The following LRRK2 variants were observed in gnomAD, a reference collection of about 807,000 sequenced individuals.
LRRK2 encodes leucine-rich repeat serine/threonine-protein kinase 2.
LRRK2 carries 203 observed loss-of-function variants against 302.6 expected under a neutral mutation model. The ratio of observed to expected loss-of-function variants is 0.67; its 90% CI spans 0.60 to 0.75. The LOEUF (loss-of-function observed/expected upper bound fraction) is 0.75, where lower values mean the gene tolerates loss of function less well. Among genes scored for constraint, LRRK2 ranks in the 30% least tolerant of loss-of-function variants. The pLI is 0.00. For synonymous variants in LRRK2, 1,066 were observed against 1,031.9 expected, an observed-to-expected ratio of 1.03 and a Z score of -0.63; for missense variants, 2,830 against 2,951.0, an observed-to-expected ratio of 0.96 and a Z score of 0.95.
At chr12:40,338,321 C>T (rs4767972) in intron 40 of LRRK2, among the ~76,000 whole-genome samples, 116,813 of 152,082 alleles carry the variant, frequency 0.77, 45,708 homozygotes, top group Non-Finnish European at 0.86. Flanking sequence ...TCATAGATAC[C>T]TAGTACATAT....
chr12:40,333,891 T>A (rs1293072702), intron 39 of LRRK2, among the ~76,000 whole-genome samples: 4 of 151,902 alleles, frequency 2.6e-5, no homozygotes, highest in Non-Finnish European at 5.9e-5. Flanking sequence ...TGGGATTGAA[T>A]GAATGCCAAT....
chr12:40,318,642 C>T (rs1020912031), intron 33 of LRRK2, among the ~76,000 whole-genome samples: 1 of 151,700 alleles, frequency 6.6e-6, no homozygotes, highest in African/African-American at 2.4e-5. Context: ...ATTCATAGGG[C>T]TGATATTCAA....
At chr12:40,264,828 A>G (rs900746708) in intron 14 of LRRK2, among the ~76,000 whole-genome samples, 2 of 152,248 alleles carry the variant, frequency 1.3e-5, no homozygotes, top group African/African-American at 4.8e-5. Flanking sequence ...AGGGAATTAC[A>G]TTTAAATTGT....
chr12:40,233,972 C>G (rs1158904440), intron 3 of LRRK2, among the ~76,000 whole-genome samples: 1 of 152,178 alleles, frequency 6.6e-6, no homozygotes, highest in African/African-American at 2.4e-5. Context: ...TATTAGATCA[C>G]TCCCAGCAAA....
intron 6 of LRRK2, among the ~76,000 whole-genome samples, chr12:40,240,921 G>A (rs1941692007): frequency 6.6e-6 from 1 of 152,154 alleles, no homozygotes; most frequent in South Asian, 2.1e-4. Context: ...ATGGCAGATG[G>A]CAGAAGTACC....
Position 40,304,005 on chromosome 12 carries a change from C to A in LRRK2, c.3648C>A (p.His1216Gln), listed in dbSNP as rs370495896. The A allele has an allele frequency of 6.2e-7, 1 of 1,613,750 alleles. No homozygotes were observed. The highest frequency in any genetic ancestry group is 8.5e-7 in the Non-Finnish European group (1 of 1,179,774). The change falls in exon 27 of 51, where the codon CAC (histidine) becomes CAA (glutamine). Residue 1216 changes from histidine (H) to glutamine (Q), a missense_variant. His to Gln is a conservative substitution (Grantham distance 24). Transcript: ENST00000298910. ...TTCAGTACCTACCAGGTCCCGCACA[C>A]TGGAAATCTTTGAACTTAAGGGAAC... ...NDIQYLPGPA[H>Q]WKSLNLRELL...
intron 38 of LRRK2, among the ~76,000 whole-genome samples, 171 bp from the exon 39 acceptor site, chr12:40,328,188 CT>C (rs2136914904): frequency 6.6e-6 from 1 of 152,270 alleles, no homozygotes; most frequent in Non-Finnish European, 1.5e-5. Context: ...TTACATATAT[CT>C]TTCTTGGAGT....
rs17466626 is a variant in LRRK2 at position 40,366,829 on chromosome 12, A to G, written c.7391-177A>G. The G allele has an allele frequency of 0.026, 14,286 of 539,646 alleles. 431 individuals are homozygous for G. Among genetic ancestry groups the G allele is most frequent in the South Asian group, 0.1 (4,809 of 47,426 alleles). The allele number at this position is 539,646 out of a possible 1,614,324, so 33.4% of individuals were successfully genotyped here. On this transcript the variant is annotated intron_variant, in intron 49 of 50. Coordinates refer to ENST00000298910, the MANE Select transcript of LRRK2 (RefSeq NM_198578.4). ...CAAGGAGTGGATCACAGATTTTGTT[A>G]TTTTTTAAAAAAATGCTGGTCTTTA...
At chr12:40,272,031 C>G (rs1339517897) in intron 14 of LRRK2, among the ~76,000 whole-genome samples, 1 of 152,118 alleles carries the variant, frequency 6.6e-6, no homozygotes, top group Non-Finnish European at 1.5e-5. Flanking sequence ...CTATGATGCT[C>G]TTTGAGCTTG....
intron 24 of LRRK2, 85 bp from the exon 25 acceptor site, chr12:40,299,024 T>A (rs1944519092): frequency 7.0e-7 from 1 of 1,420,698 alleles, no homozygotes; most frequent in African/African-American, 1.4e-5. Flanking sequence ...GATGCTGTTC[T>A]TTGAAAGCAA....
chr12:40,240,692 A>G (rs1207409555), intron 6 of LRRK2, 75 bp downstream of exon 6: 11 of 1,398,144 alleles, frequency 7.9e-6, no homozygotes, highest in Non-Finnish European at 1.1e-5. Flanking sequence ...GTATATTTTA[A>G]CAATATTTTT....
rs1485812980 is a variant in LRRK2 at position 40,251,468 on chromosome 12, G to T, written c.1105G>T (p.Ala369Ser). Residue 369 changes from alanine to serine, a missense_variant, in exon 10 of 51, where the codon GCC becomes TCC. This residue lies in a region of LRRK2 where 2,121 missense variants were observed against 2,148.0 expected (regional missense o/e 0.99). Transcript: ENST00000298910. The stretch of plus-strand genomic sequence containing the variant: ...TCTTTTTTCTCCCCTAATCCAGGAG[G>T]CCGCATGCTGGGCACTAAATAATCT... ...WHRKNKHVQE[A>S]ACWALNNLLM... The T allele has an allele frequency of 6.2e-7, 1 of 1,611,706 alleles. No homozygotes were observed. The highest frequency in any genetic ancestry group is 1.3e-5 in the African/African-American group (1 of 74,916).
chr12:40,274,595 C>A lies in LRRK2; in HGVS notation c.1669C>A (p.Pro557Thr). 6.2e-7 allele frequency: 1 copy of A among 1,613,736 alleles called. No homozygotes were observed. The highest frequency in any genetic ancestry group is 1.1e-5 in the South Asian group (1 of 91,076). The change falls in exon 15 of 51, where the codon CCT (proline) becomes ACT (threonine). Residue 557 changes from proline to threonine, a missense_variant. Pro to Thr is a conservative substitution (Grantham distance 38, BLOSUM62 -1). Around this residue, in one of 3 missense-constraint regions of LRRK2, gnomAD observed 2,121 missense variants for 2,148.0 expected, o/e 0.99. Coordinates refer to ENST00000298910, the MANE Select transcript of LRRK2 (RefSeq NM_198578.4). ...LAALNRFIGNPGIQKCGLKVI... is the reference protein window; with the variant it reads ...LAALNRFIGNTGIQKCGLKVI... ...CTTTTGATTTTAGTTCATTGGAAAT[C>A]CTGGGATTCAGAAATGTGGATTAAA...
At chr12:40,252,435 G>A (rs1942313465) in intron 10 of LRRK2, among the ~76,000 whole-genome samples, 1 of 152,066 alleles carries the variant, frequency 6.6e-6, no homozygotes, top group African/African-American at 2.4e-5. Context: ...TGGAGATTAG[G>A]GTAAGGGAGA....
At chr12:40,248,623 T>A (rs1053718560) in intron 7 of LRRK2, among the ~76,000 whole-genome samples, 12 of 152,184 alleles carry the variant, frequency 7.9e-5, no homozygotes, top group African/African-American at 2.9e-4. Context: ...TAAATAAATA[T>A]TTAACGTTTT....
intron 36 of LRRK2, 34 bp downstream of exon 36, chr12:40,322,215 A>G (rs751674850): frequency 2.5e-6 from 4 of 1,586,708 alleles, no homozygotes; most frequent in Non-Finnish European, 3.4e-6. Flanking sequence ...TTCAATTGCA[A>G]CACTAAAGAA....
intron 27 of LRRK2, 166 bp downstream of exon 27, chr12:40,304,300 A>G: frequency 1.5e-6 from 1 of 673,578 alleles, no homozygotes. Flanking sequence ...ATTAAATTTA[A>G]AAATAAGAAC....
intron 33 of LRRK2, chr12:40,316,223 G>C (rs922216954): frequency 4.1e-6 from 2 of 482,510 alleles, no homozygotes; most frequent in South Asian, 1.8e-4. Flanking sequence ...AAACCATAAA[G>C]GTAATTAAAT....
intron 38 of LRRK2, among the ~76,000 whole-genome samples, chr12:40,324,495 G>T (rs1452282731): frequency 6.6e-6 from 1 of 152,158 alleles, no homozygotes; most frequent in Non-Finnish European, 1.5e-5. Context: ...GCATTAGATT[G>T]ATTTAATATA....
Sources: gnomAD v4.1 joint callset for allele counts (sites outside exome capture counted in the v4.1 genomes callset) on GRCh38, gnomAD v4.1.1 for gene constraint, gnomAD v4.1.1 regional missense constraint, MANE v1.5 for transcripts, NCBI Gene and HGNC (gene_info 2026-07-23, HGNC 2026-07-21) for gene names.